The following PPP1R16B variants were observed in gnomAD, a reference collection of about 807,000 sequenced individuals.
PPP1R16B encodes the protein protein phosphatase 1 regulatory subunit 16B.
In PPP1R16B, 14 loss-of-function variants were observed where a neutral mutation model predicts 61.7. The ratio of observed to expected loss-of-function variants is 0.23; its 90% CI spans 0.15 to 0.35. The LOEUF (loss-of-function observed/expected upper bound fraction) is 0.35, where lower values mean the gene tolerates loss of function less well. Ranked by LOEUF, PPP1R16B falls within the 10% of genes least tolerant of loss-of-function variation. The pLI, the probability that PPP1R16B is intolerant of heterozygous loss-of-function variation, is 1.00. For synonymous variants in PPP1R16B, 266 were observed against 305.3 expected (o/e 0.87, Z 1.34); for missense variants, 547 against 752.5 (o/e 0.73, Z 3.19).
At chr20:38,863,225 T>C (rs1234496379) in intron 2 of PPP1R16B, among the ~76,000 whole-genome samples, 2 of 152,122 alleles carry the variant, frequency 1.3e-5, no homozygotes, top group Non-Finnish European at 2.9e-5. Flanking sequence ...AATGGGGACG[T>C]TCCCAGAAGG....
At chr20:38,858,174 C>G (rs1877371415) in intron 2 of PPP1R16B, among the ~76,000 whole-genome samples, 1 of 152,104 alleles carries the variant, frequency 6.6e-6, no homozygotes, top group African/African-American at 2.4e-5. Flanking sequence ...TCCCAAAAGT[C>G]CCATCTCCAA....
At chr20:38,819,099 G>GA (rs1281878981) in intron 1 of PPP1R16B, among the ~76,000 whole-genome samples, 6 of 151,444 alleles carry the variant, frequency 4.0e-5, no homozygotes, top group Middle Eastern at 6.8e-3. Context: ...CAAGAAAAAG[G>GA]AAAAAAAATA....
chr20:38,896,554 A>T (rs1307179569), intron 4 of PPP1R16B, among the ~76,000 whole-genome samples: 1 of 148,550 alleles, frequency 6.7e-6, no homozygotes, highest in African/African-American at 2.5e-5. Flanking sequence ...GTCTCTTTTT[A>T]TTTTCTCTCT....
At chr20:38,874,282 G>T (rs1293137870) in intron 2 of PPP1R16B, among the ~76,000 whole-genome samples, 9 of 152,176 alleles carry the variant, frequency 5.9e-5, no homozygotes, top group Non-Finnish European at 1.2e-4. Flanking sequence ...TGAAGACTGG[G>T]CCCTACATTC....
chr20:38,907,955 G>C lies in PPP1R16B; in HGVS notation c.1028+20G>C. 6.2e-7 allele frequency: 1 copy of C among 1,614,104 alleles called. No individual in the cohort carries two copies. Among genetic ancestry groups the C allele is most frequent in the Non-Finnish European group, 8.5e-7 (1 of 1,179,984 alleles). On this transcript the variant is annotated intron_variant, in intron 9 of 10. Coordinates refer to ENST00000299824, the MANE Select transcript of PPP1R16B (RefSeq NM_015568.4). The surrounding 1 kb of genome is among the most constrained non-coding windows in gnomAD (Gnocchi z 4.5). ...CCGTGGGTGAGTCCGGGGCAGGGCA[G>C]CCAGGAGTCCCTGTGTGTGCTCCTG...
At chr20:38,825,484 T>A (rs1465890940) in intron 1 of PPP1R16B, among the ~76,000 whole-genome samples, 1 of 152,204 alleles carries the variant, frequency 6.6e-6, no homozygotes, top group East Asian at 1.9e-4. Flanking sequence ...ATAGAACAAG[T>A]ACTTGCTAAC....
At chr20:38,890,525 T>C (rs970820864) in intron 3 of PPP1R16B, among the ~76,000 whole-genome samples, 4 of 152,224 alleles carry the variant, frequency 2.6e-5, no homozygotes, top group Admixed American at 1.3e-4. Context: ...GCCTGGGAGC[T>C]GTGCTGTGAT....
At chr20:38,868,356 C>G (rs2085103906) in intron 2 of PPP1R16B, among the ~76,000 whole-genome samples, 1 of 151,886 alleles carries the variant, frequency 6.6e-6, no homozygotes, top group Non-Finnish European at 1.5e-5. Context: ...GAGATCCCTT[C>G]TGTTCTACAC....
intron 1 of PPP1R16B, among the ~76,000 whole-genome samples, chr20:38,827,966 A>G (rs1409102897): frequency 1.3e-5 from 2 of 152,224 alleles, no homozygotes; most frequent in Non-Finnish European, 2.9e-5. Flanking sequence ...ACAAGGAGAA[A>G]AGGACCCATC....
chr20:38,873,092 C>T (rs565950619), intron 2 of PPP1R16B: 3 of 152,398 alleles, frequency 2.0e-5, no homozygotes, highest in East Asian at 3.9e-4. Context: ...GAGGGTGCGT[C>T]AGGACCCAGT....
intron 2 of PPP1R16B, among the ~76,000 whole-genome samples, chr20:38,836,594 G>C (rs1016080396): frequency 1.3e-5 from 2 of 152,232 alleles, no homozygotes; most frequent in Non-Finnish European, 2.9e-5. Flanking sequence ...CTGAGCTCAA[G>C]TGATCTGCCC....
chr20:38,858,609 T>C (rs2085024746), intron 2 of PPP1R16B, among the ~76,000 whole-genome samples: 1 of 151,996 alleles, frequency 6.6e-6, no homozygotes, highest in Non-Finnish European at 1.5e-5. Flanking sequence ...GTGGCTGCCA[T>C]GCTCTTCTGG....
At chr20:38,859,288 G>A (rs146100257) in intron 2 of PPP1R16B, among the ~76,000 whole-genome samples, 64 of 152,096 alleles carry the variant, frequency 4.2e-4, no homozygotes, top group African/African-American at 1.3e-3. Flanking sequence ...TGCTAGTGCG[G>A]GTTCCTTTTT....
chr20:38,849,120 TTTG>T (rs773980346), intron 2 of PPP1R16B, among the ~76,000 whole-genome samples: 1 of 152,212 alleles, frequency 6.6e-6, no homozygotes, highest in Admixed American at 6.5e-5. Flanking sequence ...TTTGTTTGTT[TTTG>T]TTGTTGTTAC....
chr20:38,809,168 A>G (rs2084682420), intron 1 of PPP1R16B, among the ~76,000 whole-genome samples: 1 of 140,914 alleles, frequency 7.1e-6, no homozygotes, highest in African/African-American at 2.6e-5. Flanking sequence ...CTCCAGTGCT[A>G]GGGTGGGGAG....
At chr20:38,829,125 C>T (rs1375355256) in intron 1 of PPP1R16B, among the ~76,000 whole-genome samples, 2 of 152,118 alleles carry the variant, frequency 1.3e-5, no homozygotes, top group Non-Finnish European at 2.9e-5. Context: ...GAATGGAGTT[C>T]GGACTTTGTC....
At chr20:38,896,581 C>T (rs977018043) in intron 4 of PPP1R16B, among the ~76,000 whole-genome samples, 7 of 151,984 alleles carry the variant, frequency 4.6e-5, no homozygotes, top group Non-Finnish European at 1.0e-4. Context: ...TTCATTCTCC[C>T]TTTCCCCCCA....
At chr20:38,821,018 G>T (rs1394866343) in intron 1 of PPP1R16B, among the ~76,000 whole-genome samples, 1 of 142,950 alleles carries the variant, frequency 7.0e-6, no homozygotes, top group African/African-American at 2.7e-5. Context: ...TCCAGCCTGG[G>T]TGACAGAGCA....
chr20:38,897,660 T>A (rs1242597807), intron 4 of PPP1R16B, among the ~76,000 whole-genome samples: 1 of 152,242 alleles, frequency 6.6e-6, no homozygotes, highest in Non-Finnish European at 1.5e-5. Context: ...CTATTTTAAA[T>A]TTTTTAAGGA....
Sources: allele counts gnomAD v4.1 joint callset (sites outside exome capture counted in the v4.1 genomes callset), GRCh38; gene constraint gnomAD v4.1.1; non-coding constraint Gnocchi (gnomAD v3.1); transcripts MANE v1.5; gene names NCBI Gene and HGNC (gene_info 2026-07-23, HGNC 2026-07-21).